The following CACNA1E variants were observed in gnomAD, a reference collection of about 807,000 sequenced individuals.
The protein encoded by CACNA1E is voltage-dependent R-type calcium channel subunit alpha-1E.
A neutral mutation model predicts 259.2 loss-of-function variants in CACNA1E; 40 were observed. The ratio of observed to expected loss-of-function variants is 0.15; its 90% CI spans 0.12 to 0.20. The LOEUF (loss-of-function observed/expected upper bound fraction) is 0.20, where lower values mean the gene tolerates loss of function less well. CACNA1E is among the 10% of genes least tolerant of loss of function. The pLI, the probability that CACNA1E is intolerant of heterozygous loss-of-function variation, is 1.00. For missense variants in CACNA1E, 1,874 were observed against 3,040.1 expected (o/e 0.62, Z 9.02); for synonymous variants, 1,104 against 1,138.5 (o/e 0.97, Z 0.61).
At chr1:181,737,708 A>G in intron 23 of CACNA1E, 54 bp downstream of exon 23, 1 of 1,579,986 alleles carries the variant, frequency 6.3e-7, no homozygotes, top group Non-Finnish European at 8.6e-7. Flanking sequence ...TGCTCACCCC[A>G]TCCCAGCACT....
rs1443100744 is a variant in CACNA1E, at chr1:181,577,868, T to C, written c.615T>C (p.Pro205=). 5 of 1,599,042 alleles carry C rather than the reference T, an allele frequency of 3.1e-6. No homozygotes were observed. Among genetic ancestry groups the C allele is most frequent in the East Asian group, 2.2e-5 (1 of 44,638 alleles). ...CTTTGAAGCTCGTGTCAGGGATACC[T>C]AGTGAGCATCTGCCATTCTTTCTGC... is the stretch of plus-strand genomic sequence containing the variant. ...LRPLKLVSGI[P]SLQIVLKSIM... The change falls in exon 4 of 48, where the codon CCT becomes CCC. Residue 205 remains proline (P), a splice_region_variant and synonymous_variant. Transcript: ENST00000367573.
chr1:181,699,226 C>T lies in CACNA1E; in HGVS notation c.1056-11728C>T, dbSNP rs970586132. 3.3e-5 allele frequency among the ~76,000 whole-genome samples: 5 copies of T among 152,158 alleles called. No homozygotes were observed. The South Asian group carries it at 1.0e-3, about 31-fold the overall frequency. On this transcript the variant is annotated intron_variant, in intron 7 of 47. Transcript: ENST00000367573. ...ATATTGCTTGAATTCCTTCTAGGCA[C>T]CAGGCATTGTTCTGAGGATATGATG...
intron 2 of CACNA1E, among the ~76,000 whole-genome samples, chr1:181,472,278 T>C (rs60521727): frequency 0.34 from 52,343 of 151,762 alleles, 9,268 homozygotes; most frequent in African/African-American, 0.42. Flanking sequence ...AAAGTAGGTA[T>C]GTAGGATGAA....
chr1:181,412,389 G>A lies in CACNA1E; in HGVS notation c.-14-744G>A, dbSNP rs147301248. ...GAGTTGAGACTAGTCTAGGCAACAC[G>A]GGGAAACGTCATCTCTACAAAAAAT... On this transcript the variant is annotated intron_variant, in intron 1 of 11. Coordinates refer to the CACNA1E transcript ENST00000524607. 1.7e-4 allele frequency among the ~76,000 whole-genome samples: 26 copies of A among 152,270 alleles called. 1 individual carries two copies. In the East Asian group the frequency reaches 2.5e-3, roughly 15 times the overall value.
intron 38 of CACNA1E, among the ~76,000 whole-genome samples, chr1:181,777,904 A>C (rs1660103790): frequency 6.6e-6 from 1 of 152,230 alleles, no homozygotes; most frequent in Non-Finnish European, 1.5e-5. Flanking sequence ...TCCATTGTTC[A>C]TCTGGGCTCA....
intron 3 of CACNA1E, among the ~76,000 whole-genome samples, chr1:181,546,238 G>C (rs1278891601): frequency 2.6e-5 from 4 of 152,152 alleles, no homozygotes; most frequent in African/African-American, 9.7e-5. Context: ...CTGGAAGAGA[G>C]GACTGTGGTC....
intron 6 of CACNA1E, among the ~76,000 whole-genome samples, chr1:181,626,096 T>C (rs752805096): frequency 6.6e-6 from 1 of 152,152 alleles, no homozygotes; most frequent in Non-Finnish European, 1.5e-5. Flanking sequence ...ACATGACTTA[T>C]GGTACCCCAC....
At chr1:181,354,704 G>C (rs1653296235) in intron 1 of CACNA1E, among the ~76,000 whole-genome samples, 1 of 152,202 alleles carries the variant, frequency 6.6e-6, no homozygotes, top group African/African-American at 2.4e-5. Context: ...GGGAGACAGG[G>C]AAAAGGGCAG....
At chr1:181,763,340 C>T in intron 33 of CACNA1E, 66 bp from the exon 34 acceptor site, 1 of 1,282,740 alleles carries the variant, frequency 7.8e-7, no homozygotes, top group Non-Finnish European at 1.1e-6. Flanking sequence ...TACACAAATA[C>T]TAGTGCTTAG....
Position 181,728,876 on chromosome 1 carries a change from G to A in CACNA1E, c.2241-2299G>A, listed in dbSNP as rs551364846. 9.8e-3 allele frequency among the ~76,000 whole-genome samples: 1,370 copies of A among 139,712 alleles called. 11 individuals carry two copies. The highest frequency in any genetic ancestry group is 0.034 in the African/African-American group (1,227 of 36,548). 91.7% of individuals were successfully genotyped at this position (139,712 alleles called of 152,430 possible). ...GCTCAGGTGTGTGTGCATTTTGCTC[G>A]GGTGTGTGTGCCCTGCTCAGCTGTG... On this transcript the variant is annotated intron_variant, in intron 18 of 47. Coordinates refer to ENST00000367573, the MANE Select transcript of CACNA1E (RefSeq NM_001205293.3).
Position 181,374,555 on chromosome 1 carries a change from T to G in CACNA1E, c.-14-38578T>G, listed in dbSNP as rs190768589. Among the ~76,000 whole-genome samples the G allele has an allele frequency of 2.0e-4, 31 of 152,266 alleles. No homozygotes were observed. The East Asian group carries it at 6.0e-3, about 29-fold the overall frequency. On this transcript the variant is annotated intron_variant, in intron 1 of 11. Transcript: ENST00000524607. The stretch of plus-strand genomic sequence containing the variant: ...ATGCCTAACTGCAGCCGTGGATTCC[T>G]GGGCTCAGGTGATCCTCCCATCTCA...
chr1:181,384,705 C>G (rs2102010318), intron 1 of CACNA1E, among the ~76,000 whole-genome samples: 1 of 152,300 alleles, frequency 6.6e-6, no homozygotes. Flanking sequence ...ATCCTCACTC[C>G]TGGTGTTCCC....
intron 6 of CACNA1E, among the ~76,000 whole-genome samples, chr1:181,624,446 G>T (rs1656008505): frequency 6.6e-6 from 1 of 152,118 alleles, no homozygotes; most frequent in Admixed American, 6.6e-5. Context: ...CTCAAACCCT[G>T]CTGCTCTTCT....
chr1:181,603,821 C>T (rs3896358), intron 6 of CACNA1E, among the ~76,000 whole-genome samples: 12,130 of 152,164 alleles, frequency 0.08, 590 homozygotes, highest in South Asian at 0.21. Flanking sequence ...TTCTCGCCTC[C>T]GCCTGCCTGT....
intron 1 of CACNA1E, among the ~76,000 whole-genome samples, chr1:181,319,540 A>G (rs1339109801): frequency 1.3e-5 from 2 of 152,218 alleles, no homozygotes; most frequent in Non-Finnish European, 2.9e-5. Context: ...TTGTTGTTTG[A>G]TTCCATTCTA....
chr1:181,527,623 GTCT>G (rs1215965196), intron 3 of CACNA1E, among the ~76,000 whole-genome samples: 2 of 152,192 alleles, frequency 1.3e-5, no homozygotes, highest in Admixed American at 6.5e-5. Flanking sequence ...GATATATATG[GTCT>G]TCTTTTTCTC....
At chr1:181,521,252 C>T (rs1666976268) in intron 3 of CACNA1E, among the ~76,000 whole-genome samples, 1 of 152,236 alleles carries the variant, frequency 6.6e-6, no homozygotes, top group Admixed American at 6.5e-5. Flanking sequence ...GGGGTCCCTG[C>T]ATCTCACCTC....
At chr1:181,572,563 A>AC (rs1202920252) in intron 3 of CACNA1E, among the ~76,000 whole-genome samples, 4 of 151,862 alleles carry the variant, frequency 2.6e-5, no homozygotes, top group Non-Finnish European at 4.4e-5. Context: ...GGCATTAAGC[A>AC]CCCCCCTGTA....
chr1:181,716,042 C>G lies in CACNA1E; in HGVS notation c.1228C>G (p.Leu410Val). The G allele has an allele frequency of 6.4e-7, 1 of 1,564,104 alleles. No individual in the cohort carries two copies. Among genetic ancestry groups the G allele is most frequent in the Non-Finnish European group, 8.7e-7 (1 of 1,153,548 alleles). ...GGTCTTCCCTTTCCCTGATGCAGTG[C>G]TTCGAAGGGCAACCATCAAGAGGAG... is the stretch of plus-strand genomic sequence containing the variant. Reference protein sequence around the residue: ...KNAGTSALEVLRRATIKRSRT... With the variant: ...KNAGTSALEVVRRATIKRSRT... The change falls in exon 10 of 48, where the codon CTT becomes GTT. Residue 410 changes from leucine to valine, a missense_variant and splice_region_variant. Leu to Val is a conservative substitution (Grantham distance 32). This residue lies in a region of CACNA1E where 157 missense variants were observed against 203.5 expected (regional missense o/e 0.77). Coordinates refer to ENST00000367573, the MANE Select transcript of CACNA1E (RefSeq NM_001205293.3).
Sources: gnomAD v4.1 joint callset for allele counts (sites outside exome capture counted in the v4.1 genomes callset) on GRCh38, gnomAD v4.1.1 for gene constraint, gnomAD v4.1.1 regional missense constraint, MANE v1.5 for transcripts, NCBI Gene and HGNC (gene_info 2026-07-23, HGNC 2026-07-21) for gene names.